The following PLIN4 variants were observed in gnomAD, a reference collection of about 807,000 sequenced individuals.
The protein encoded by PLIN4 is perilipin 4, also known as perilipin-4.
A neutral mutation model predicts 52.4 loss-of-function variants in PLIN4; 57 were observed. The observed-to-expected ratio is 1.09, with a 90% CI of 0.88 to 1.36. PLIN4 has a LOEUF of 1.36. Among genes scored for constraint, PLIN4 ranks in the 40% most tolerant of loss-of-function variants. The probability of loss-of-function intolerance (pLI) is 0.00; values close to 1 mark genes in which losing one functional copy is unlikely to be tolerated. For synonymous variants in PLIN4, 826 were observed against 785.4 expected, an observed-to-expected ratio of 1.05 and a Z score of -0.86; for missense variants, 1,757 against 1,770.3, an observed-to-expected ratio of 0.99 and a Z score of 0.13.
chr19:4,514,966 A>G (rs1161466464), intron 4 of PLIN4, among the ~76,000 whole-genome samples: 2 of 151,748 alleles, frequency 1.3e-5, no homozygotes, highest in Non-Finnish European at 2.9e-5. Context: ...ACCTGAGGTC[A>G]AGAGTTCGAG....
At chr19:4,507,940 C>T (rs1015963038) in intron 6 of PLIN4, among the ~76,000 whole-genome samples, 17 of 152,076 alleles carry the variant, frequency 1.1e-4, no homozygotes, top group South Asian at 4.1e-4. Context: ...GAGGGGTGGA[C>T]GACTCTGGCC....
intron 4 of PLIN4, among the ~76,000 whole-genome samples, chr19:4,514,886 A>C (rs887774986): frequency 6.6e-6 from 1 of 151,450 alleles, no homozygotes; most frequent in African/African-American, 2.4e-5. Flanking sequence ...TCTTTAAAAA[A>C]AAAAACAGGC....
At chr19:4,506,880 C>T (rs1052841654) in intron 6 of PLIN4, among the ~76,000 whole-genome samples, 3 of 152,240 alleles carry the variant, frequency 2.0e-5, no homozygotes, top group Admixed American at 6.5e-5. Flanking sequence ...GGCACGGCAG[C>T]GACTGTGCAT....
In PLIN4 at chr19:4,504,426, G is replaced by A. The variant is rs573580038; in HGVS notation, c.*33C>T. The A allele has an allele frequency of 4.0e-5, 60 of 1,488,906 alleles. No individual in the cohort carries two copies. The Admixed American group carries it at 6.1e-4, about 15-fold the overall frequency. 92.2% of individuals were successfully genotyped at this position (1,488,906 alleles called of 1,614,324 possible). On this transcript the variant is annotated 3_prime_UTR_variant, in exon 8 of 8. Transcript: ENST00000301286. Reference sequence around the variant, plus strand: ...GCAGCTCCTCCCTGGACAGAGCAGGGCGACCCCGCGCCGGGCCTGCAGGCT... The same window carrying A: ...GCAGCTCCTCCCTGGACAGAGCAGGACGACCCCGCGCCGGGCCTGCAGGCT...
rs796181751 is a variant in PLIN4, at chr19:4,510,365, CA to C, written c.3514+80del. The C allele has an allele frequency of 2.0e-3, 1,883 of 959,178 alleles. 6 individuals carry two copies. Among genetic ancestry groups the C allele is most frequent in the African/African-American group, 0.013 (722 of 56,688 alleles). 59.4% of individuals were successfully genotyped at this position (959,178 alleles called of 1,614,324 possible). The stretch of plus-strand genomic sequence containing the variant: ...TGGGCAACAGAGCACGACTCTGTCT[CA>C]AAAAAAAAAACAAAACAGTCAAGGA... On this transcript the variant is annotated intron_variant, in intron 5 of 7. Coordinates refer to ENST00000301286, the MANE Select transcript of PLIN4 (RefSeq NM_001367868.2).
rs1676533734 is a variant in PLIN4, at chr19:4,513,506, C to G, written c.454G>C (p.Gly152Arg). 4 of 1,612,658 alleles carry G rather than the reference C, an allele frequency of 2.5e-6. No homozygotes were observed. Among genetic ancestry groups the G allele is most frequent in the African/African-American group, 1.3e-5 (1 of 74,894 alleles). The change falls in exon 5 of 8, where the codon GGG becomes CGG. Residue 152 changes from glycine to arginine, a missense_variant. Physicochemically the swap from Gly to Arg is moderately radical, Grantham distance 125. Coordinates refer to ENST00000301286, the MANE Select transcript of PLIN4 (RefSeq NM_001367868.2). ...GVTGAMDMAK[G>R]AVQGGLDTSK... ...GTGTCCAGACCCCCTTGGACGGCCCCCTTAGCCATGTCCATGGCCCCTGTG... is the reference window on the plus strand; with the variant it reads ...GTGTCCAGACCCCCTTGGACGGCCCGCTTAGCCATGTCCATGGCCCCTGTG...
intron 6 of PLIN4, among the ~76,000 whole-genome samples, chr19:4,507,919 G>A (rs369983630): frequency 2.6e-5 from 4 of 152,096 alleles, no homozygotes; most frequent in South Asian, 2.1e-4. Context: ...GGAAGAGAGC[G>A]GGGCCAGTGG....
chr19:4,504,671 C>T lies in PLIN4; in HGVS notation c.3904G>A (p.Val1302Met). ...CAGAGGCTGTGCCGCGCCCGCCCCACTGGCTGCTGGAGCTCGGCGGGCAGG... is the reference window on the plus strand; with the variant it reads ...CAGAGGCTGTGCCGCGCCCGCCCCATTGGCTGCTGGAGCTCGGCGGGCAGG... ...QGLPAELQQP[V>M]GRARHSLCEL... Residue 1302 changes from valine (V) to methionine (M), a missense_variant, in exon 8 of 8, where the codon GTG becomes ATG. This residue lies in a region of PLIN4 where 712 missense variants were observed against 637.1 expected (regional missense o/e 1.12). Transcript: ENST00000301286. 6.2e-7 allele frequency: 1 copy of T among 1,603,054 alleles called. No homozygotes were observed. Among genetic ancestry groups the T allele is most frequent in the Non-Finnish European group, 8.5e-7 (1 of 1,178,270 alleles).
intron 4 of PLIN4, among the ~76,000 whole-genome samples, chr19:4,515,265 C>CT (rs1568237201): frequency 1.3e-5 from 2 of 151,182 alleles, no homozygotes; most frequent in South Asian, 2.1e-4. Flanking sequence ...TGAGGTGCTA[C>CT]TTTTTTTGTT....
chr19:4,515,319 G>A (rs1976557043), intron 4 of PLIN4, among the ~76,000 whole-genome samples: 1 of 151,726 alleles, frequency 6.6e-6, no homozygotes, highest in Non-Finnish European at 1.5e-5. Flanking sequence ...ACCCAGACTG[G>A]AGTGCAGTGG....
In PLIN4 at chr19:4,504,326, C is replaced by T; in HGVS notation, c.*133G>A. 1 of 943,918 alleles carries T rather than the reference C, an allele frequency of 1.1e-6. No homozygotes were observed. The highest frequency in any genetic ancestry group is 1.5e-6 in the Non-Finnish European group (1 of 660,984). The allele number at this position is 943,918 out of a possible 1,614,324, so 58.5% of individuals were successfully genotyped here. On this transcript the variant is annotated 3_prime_UTR_variant, in exon 8 of 8. Coordinates refer to ENST00000301286, the MANE Select transcript of PLIN4 (RefSeq NM_001367868.2). ...ACTGCCTCCGCAGCCCCTCGGCGCT[C>T]AGCCAGCTGCAGCCCCAAAGGTCTA...
chr19:4,502,410 C>T lies in PLIN4; in HGVS notation c.*2049G>A, dbSNP rs1158415781. 5.8e-6 allele frequency: 2 copies of T among 343,646 alleles called. No homozygotes were observed. Among genetic ancestry groups the T allele is most frequent in the African/African-American group, 2.2e-5 (1 of 45,516 alleles). 21.3% of individuals were successfully genotyped at this position (343,646 alleles called of 1,614,324 possible). On this transcript the variant is annotated 3_prime_UTR_variant, in exon 8 of 8. Coordinates refer to ENST00000301286, the MANE Select transcript of PLIN4 (RefSeq NM_001367868.2). ...AGAGCTGGGCGGGAGCAAGCTCTTC[C>T]CAGGAGACAAGAGGGACAAACCAGG...
Position 4,513,554 on chromosome 19 carries a change from T to C in PLIN4, c.406A>G (p.Lys136Glu). The C allele has an allele frequency of 6.2e-7, 1 of 1,608,380 alleles. No homozygotes were observed. The highest frequency in any genetic ancestry group is 8.5e-7 in the Non-Finnish European group (1 of 1,177,532). The change falls in exon 5 of 8, where the codon AAG becomes GAG. Residue 136 changes from lysine to glutamate, a missense_variant. This residue lies in a region of PLIN4 where 332 missense variants were observed against 310.8 expected (regional missense o/e 1.07). Coordinates refer to ENST00000301286, the MANE Select transcript of PLIN4 (RefSeq NM_001367868.2). ...DTTRSALTGTKEVVSSGVTGA... is the reference protein window; with the variant it reads ...DTTRSALTGTEEVVSSGVTGA... ...GTGACCCCGCTGGACACCACCTCCT[T>C]GGTGCCCGTAAGTGCAGACCGAGTG...
rs1325044464 is a variant in PLIN4 at position 4,518,445 on chromosome 19, G to T, written c.-78C>A. ...AGACGCGGCCCCGCTCACCTGGACT[G>T]CGCGGGGTCCCCTGGAGGACGGACC... On this transcript the variant is annotated 5_prime_UTR_variant, in exon 1 of 8. Transcript: ENST00000301286. The T allele has an allele frequency of 1.5e-5, 18 of 1,225,376 alleles. No individual in the cohort carries two copies. The highest frequency in any genetic ancestry group is 1.8e-5 in the Non-Finnish European group (18 of 984,524). 75.9% of individuals were successfully genotyped at this position (1,225,376 alleles called of 1,614,324 possible). A position where few individuals can be genotyped will look rare whatever the true frequency, so the allele number is the denominator to read the frequency against.
Position 4,518,370 on chromosome 19 carries a change from C to G in PLIN4, c.-18+15G>C. ...ACCCACTCCCCACTGAAAGCCTGAG[C>G]AGCCCGACACCCACCTGCAGGCCTG... On this transcript the variant is annotated intron_variant, in intron 1 of 7. Coordinates refer to ENST00000301286, the MANE Select transcript of PLIN4 (RefSeq NM_001367868.2). 8.1e-7 allele frequency: 1 copy of G among 1,231,596 alleles called. No homozygotes were observed. Among genetic ancestry groups the G allele is most frequent in the Non-Finnish European group, 1.0e-6 (1 of 987,838 alleles). The allele number at this position is 1,231,596 out of a possible 1,614,324, so 76.3% of individuals were successfully genotyped here.
intron 6 of PLIN4, among the ~76,000 whole-genome samples, chr19:4,508,420 C>T (rs1976164907): frequency 6.6e-6 from 1 of 152,222 alleles, no homozygotes; most frequent in Admixed American, 6.5e-5. Flanking sequence ...GCGCCTGCCA[C>T]CACTCCCAGC....
chr19:4,502,296 T>A lies in PLIN4; in HGVS notation c.*2163A>T. On this transcript the variant is annotated 3_prime_UTR_variant, in exon 8 of 8. Transcript: ENST00000301286. The stretch of plus-strand genomic sequence containing the variant: ...GCAGGCGGCAGTGTCACTGGGCCCG[T>A]TTGGGACTGGGTTGAGCCATCAGGC... 2 of 495,814 alleles carry A rather than the reference T, an allele frequency of 4.0e-6. No individual in the cohort carries two copies. The highest frequency in any genetic ancestry group is 7.4e-6 in the Non-Finnish European group (2 of 270,640). The allele number at this position is 495,814 out of a possible 1,614,324, so 30.7% of individuals were successfully genotyped here.
intron 6 of PLIN4, among the ~76,000 whole-genome samples, chr19:4,505,487 TG>T (rs1976064890): frequency 6.6e-6 from 1 of 152,184 alleles, no homozygotes; most frequent in Admixed American, 6.5e-5. Flanking sequence ...GCCCATGGTG[TG>T]GCAGCCCCAG....
Position 4,510,634 on chromosome 19 carries a change from G to A in PLIN4, c.3326C>T (p.Ala1109Val), listed in dbSNP as rs772738845. ...LSVGPEPAWE[A>V]AATTKGLATD... ...CGCAAGGCCCTTGGTAGTGGCTGCG[G>A]CTTCCCAGGCAGGCTCCGGGCCTAC... The change falls in exon 5 of 8, where the codon GCC becomes GTC. Residue 1109 changes from alanine (A) to valine (V), a missense_variant. Transcript: ENST00000301286. 8.6e-6 allele frequency: 13 copies of A among 1,506,836 alleles called. No individual in the cohort carries two copies. The highest frequency in any genetic ancestry group is 1.2e-5 in the Non-Finnish European group (13 of 1,128,962). 93.3% of individuals were successfully genotyped at this position (1,506,836 alleles called of 1,614,324 possible).
Sources: allele counts gnomAD v4.1 joint callset (sites outside exome capture counted in the v4.1 genomes callset), GRCh38; gene constraint gnomAD v4.1.1; regional missense constraint gnomAD v4.1.1; transcripts MANE v1.5; gene names NCBI Gene and HGNC (gene_info 2026-07-23, HGNC 2026-07-21).